SLC24A3: variants seen among roughly 807,000 people sequenced by gnomAD.
SLC24A3 encodes sodium/potassium/calcium exchanger 3.
SLC24A3 carries 28 observed loss-of-function variants against 75.8 expected under a neutral mutation model. That is an observed-to-expected ratio of 0.37 (90% CI 0.27 to 0.51). The LOEUF (loss-of-function observed/expected upper bound fraction) is 0.51, where lower values mean the gene tolerates loss of function less well. SLC24A3 is among the 20% of genes least tolerant of loss of function. The pLI, the probability that SLC24A3 is intolerant of heterozygous loss-of-function variation, is 0.94. For synonymous variants in SLC24A3, 372 were observed against 334.1 expected, an observed-to-expected ratio of 1.11 and a Z score of -1.24; for missense variants, 663 against 847.8, an observed-to-expected ratio of 0.78 and a Z score of 2.71.
chr20:19,363,370 T>C (rs944273801), intron 2 of SLC24A3, among the ~76,000 whole-genome samples: 1 of 152,384 alleles, frequency 6.6e-6, no homozygotes, highest in African/African-American at 2.4e-5. Flanking sequence ...GACCTGGTCA[T>C]TGGACAGCTT....
chr20:19,461,766 C>G (rs1987679735), intron 2 of SLC24A3, among the ~76,000 whole-genome samples: 2 of 152,196 alleles, frequency 1.3e-5, no homozygotes, highest in East Asian at 1.9e-4. Flanking sequence ...CTCCTGACCT[C>G]AAGCCATCTG....
At chr20:19,367,142 A>G (rs1251027137) in intron 2 of SLC24A3, among the ~76,000 whole-genome samples, 1 of 152,266 alleles carries the variant, frequency 6.6e-6, no homozygotes, top group African/African-American at 2.4e-5. Flanking sequence ...ACTTTAATTC[A>G]CATTTACATT....
chr20:19,450,010 A>T (rs6046103), intron 2 of SLC24A3, among the ~76,000 whole-genome samples: 1 of 152,080 alleles, frequency 6.6e-6, no homozygotes, highest in East Asian at 1.9e-4. Context: ...CCAGACCTCA[A>T]GGCATTGACA....
In SLC24A3 at chr20:19,685,273, G is replaced by A. The variant is rs1296044404; in HGVS notation, c.1236G>A (p.Glu412=). Residue 412 remains glutamate, a synonymous_variant, in exon 12 of 17, where the codon GAG becomes GAA. Coordinates refer to ENST00000328041, the MANE Select transcript of SLC24A3 (RefSeq NM_020689.4). The part of the protein sequence containing the change: ...DVVAEAGNET[E]NENEDNENDE... ...TGGCTGAGGCTGGCAACGAAACAGA[G>A]AATGAAAATGAGGACAATGAGAATG... 8 of 1,613,978 alleles carry A rather than the reference G, an allele frequency of 5.0e-6. No homozygotes were observed. In the South Asian group the frequency reaches 6.6e-5, roughly 13 times the overall value.
chr20:19,515,617 G>GT, intron 3 of SLC24A3, 53 bp downstream of exon 3: 1 of 1,573,794 alleles, frequency 6.4e-7, no homozygotes, highest in African/African-American at 1.3e-5. Flanking sequence ...AGGCCTAGGG[G>GT]TGTGGGGTGT....
intron 3 of SLC24A3, among the ~76,000 whole-genome samples, chr20:19,535,660 G>A (rs760101987): frequency 6.6e-6 from 1 of 152,168 alleles, no homozygotes; most frequent in Admixed American, 6.5e-5. Context: ...CTTAGGGGAG[G>A]TGATTTGCTT....
At chr20:19,248,119 A>C (rs982684088) in intron 1 of SLC24A3, among the ~76,000 whole-genome samples, 13 of 152,218 alleles carry the variant, frequency 8.5e-5, no homozygotes, top group African/African-American at 2.9e-4. Flanking sequence ...AGTCCCAAAA[A>C]TAGAAAAAAA....
chr20:19,226,476 A>G lies in SLC24A3; in HGVS notation c.142+13492A>G, dbSNP rs187327664. The stretch of plus-strand genomic sequence containing the variant: ...TTCCTCACAGTTTCTGGAAGAAACT[A>G]TGTACAATTGGTGGGTCATGCTTTT... On this transcript the variant is annotated intron_variant, in intron 1 of 16. Transcript: ENST00000328041. Among the ~76,000 whole-genome samples, 64 of 152,302 alleles carry G rather than the reference A, an allele frequency of 4.2e-4. No individual in the cohort carries two copies. In the East Asian group the frequency reaches 0.011, roughly 26 times the overall value.
At chr20:19,720,930 C>T in intron 16 of SLC24A3, 61 bp from the exon 17 acceptor site, 1 of 1,593,176 alleles carries the variant, frequency 6.3e-7, no homozygotes, top group Admixed American at 1.7e-5. Context: ...GTTCCCCTAC[C>T]AACCCCCCAA....
chr20:19,347,779 T>C (rs1453351633), intron 2 of SLC24A3, among the ~76,000 whole-genome samples: 1 of 152,180 alleles, frequency 6.6e-6, no homozygotes. Context: ...CACTCTGTGT[T>C]TGAGTCCCCT....
At chr20:19,530,384 G>A (rs2030274750) in intron 3 of SLC24A3, among the ~76,000 whole-genome samples, 1 of 152,188 alleles carries the variant, frequency 6.6e-6, no homozygotes, top group African/African-American at 2.4e-5. Context: ...GGGGTAAGGT[G>A]GTGATGGAAC....
At chr20:19,634,395 AG>A (rs2031974416) in intron 6 of SLC24A3, among the ~76,000 whole-genome samples, 1 of 152,130 alleles carries the variant, frequency 6.6e-6, no homozygotes, top group African/African-American at 2.4e-5. Context: ...AGTTCATTTA[AG>A]GAGGAAACAA....
At chr20:19,385,067 A>G (rs753739880) in intron 2 of SLC24A3, among the ~76,000 whole-genome samples, 3 of 152,052 alleles carry the variant, frequency 2.0e-5, no homozygotes, top group Non-Finnish European at 4.4e-5. Flanking sequence ...TGGCTTGCAA[A>G]TATTTTTTCT....
chr20:19,571,569 G>T (rs76061913), intron 3 of SLC24A3, among the ~76,000 whole-genome samples: 5,145 of 152,172 alleles, frequency 0.034, 304 homozygotes, highest in African/African-American at 0.12. Context: ...CCAAAACAGG[G>T]ACCCCAGTAT....
chr20:19,556,431 T>A (rs2030784858), intron 3 of SLC24A3, among the ~76,000 whole-genome samples: 1 of 152,118 alleles, frequency 6.6e-6, no homozygotes, highest in African/African-American at 2.4e-5. Flanking sequence ...AGTAGAGAAT[T>A]TAGAGTCAGC....
intron 2 of SLC24A3, among the ~76,000 whole-genome samples, chr20:19,329,096 A>G (rs911887499): frequency 6.6e-5 from 10 of 152,170 alleles, no homozygotes; most frequent in Admixed American, 5.9e-4. Flanking sequence ...GTAGGAACAA[A>G]ATTCTGATTG....
intron 3 of SLC24A3, among the ~76,000 whole-genome samples, chr20:19,545,310 A>G (rs1319921937): frequency 1.3e-5 from 2 of 152,200 alleles, no homozygotes; most frequent in Non-Finnish European, 2.9e-5. Flanking sequence ...GAGGAGAGGA[A>G]TTCCCTATTT....
At chr20:19,236,928 A>G (rs933720574) in intron 1 of SLC24A3, among the ~76,000 whole-genome samples, 1 of 151,766 alleles carries the variant, frequency 6.6e-6, no homozygotes, top group African/African-American at 2.4e-5. Flanking sequence ...ACCTCACTCT[A>G]TTTTTCGGTA....
intron 6 of SLC24A3, among the ~76,000 whole-genome samples, chr20:19,639,659 G>T (rs899094436): frequency 5.3e-5 from 8 of 152,238 alleles, no homozygotes; most frequent in African/African-American, 1.4e-4. Context: ...TGGTCGATGG[G>T]ACTGGGTGCC....
Sources: allele counts gnomAD v4.1 joint callset (sites outside exome capture counted in the v4.1 genomes callset), GRCh38; gene constraint gnomAD v4.1.1; transcripts MANE v1.5; gene names NCBI Gene and HGNC (gene_info 2026-07-23, HGNC 2026-07-21).